Variants in ASL observed in about 807,000 individuals in gnomAD.
ASL encodes the protein argininosuccinase.
In ASL, 51 loss-of-function variants were observed where a neutral mutation model predicts 69.1. The observed-to-expected ratio is 0.74, with a 90% CI of 0.59 to 0.93. The LOEUF is 0.93. ASL is among the 40% of genes least tolerant of loss of function. ASL has a pLI of 0.00. For synonymous variants in ASL, 241 were observed against 247.6 expected, an observed-to-expected ratio of 0.97 and a Z score of 0.25; for missense variants, 540 against 623.9, an observed-to-expected ratio of 0.87 and a Z score of 1.43.
rs766185326 is a variant in ASL at position 66,082,915 on chromosome 7, G to A, written c.327G>A (p.Thr109=). 1.5e-5 allele frequency: 24 copies of A among 1,613,558 alleles called. No homozygotes were observed. Among genetic ancestry groups the A allele is most frequent in the Admixed American group, 3.3e-5 (2 of 59,966 alleles). Residue 109 remains threonine, a synonymous_variant, in exon 5 of 17, where the codon ACG becomes ACA. Transcript: ENST00000304874. The part of the protein sequence containing the change: ...LIGATAGKLH[T]GRSRNDQVVT... Reference sequence around the variant, plus strand: ...GTGCAACGGCAGGGAAGCTGCACACGGGACGGAGCCGGAATGACCAGGTGC... The same window carrying A: ...GTGCAACGGCAGGGAAGCTGCACACAGGACGGAGCCGGAATGACCAGGTGC...
intron 14 of ASL, among the ~76,000 whole-genome samples, chr7:66,090,297 A>G (rs1034998868): frequency 2.0e-5 from 3 of 152,164 alleles, no homozygotes; most frequent in Non-Finnish European, 4.4e-5. Context: ...TTTTAGAGAC[A>G]GGGTCACTCT....
At position 66,082,843 on chromosome 7, in the gene ASL, G is replaced by T. The variant is rs573525807; in HGVS notation, c.292-37G>T. 6.8e-6 allele frequency: 11 copies of T among 1,612,538 alleles called. No individual in the cohort carries two copies. In the Admixed American group the frequency reaches 1.0e-4, roughly 15 times the overall value. ...CCTGCCTGGGTTGACTCCTCTGGGG[G>T]TATAGACCGTGACCCTGGGTCTCCC... On this transcript the variant is annotated intron_variant, in intron 4 of 16. Coordinates refer to ENST00000304874, the MANE Select transcript of ASL (RefSeq NM_000048.4).
Position 66,081,924 on chromosome 7 carries a change from A to G in ASL, c.134A>G (p.Tyr45Cys). ...GTGGATGTTCAAGGCAGCAAAGCCTACAGCAGGGGCCTGGAGAAGGCAGGG... is the reference window on the plus strand; with the variant it reads ...GTGGATGTTCAAGGCAGCAAAGCCTGCAGCAGGGGCCTGGAGAAGGCAGGG... ...WEVDVQGSKA[Y>C]SRGLEKAGLL... The change falls in exon 3 of 17, where the codon TAC (tyrosine) becomes TGC (cysteine). Residue 45 changes from tyrosine to cysteine, a missense_variant. By Grantham distance (194) the Tyr-to-Cys change is radical. Coordinates refer to ENST00000304874, the MANE Select transcript of ASL (RefSeq NM_000048.4). 1 of 1,613,892 alleles carries G rather than the reference A, an allele frequency of 6.2e-7. No individual in the cohort carries two copies.
chr7:66,077,725 C>T (rs1786388010), intron 2 of ASL, among the ~76,000 whole-genome samples: 1 of 151,898 alleles, frequency 6.6e-6, no homozygotes, highest in Admixed American at 6.6e-5. Flanking sequence ...CAAGACTCCA[C>T]CTCAAAAAAA....
chr7:66,080,385 CAAAAAAA>C (rs138360695), intron 2 of ASL, among the ~76,000 whole-genome samples: 20 of 61,340 alleles, frequency 3.3e-4, no homozygotes, highest in African/African-American at 1.4e-3. Flanking sequence ...GACTCCATCT[CAAAAAAA>C]AAAAAAAAAA....
intron 15 of ASL, 64 bp downstream of exon 15, chr7:66,092,150 G>A: frequency 2.5e-6 from 4 of 1,570,774 alleles, no homozygotes; most frequent in Non-Finnish European, 3.5e-6. Flanking sequence ...GGGTGGGGGA[G>A]CTCAGGAATG....
At chr7:66,081,579 C>CAA (rs113517237) in intron 2 of ASL, among the ~76,000 whole-genome samples, 5 of 115,354 alleles carry the variant, frequency 4.3e-5, no homozygotes, top group East Asian at 2.4e-4. Context: ...GACTCTGTCT[C>CAA]AAAAAAAAAA....
intron 2 of ASL, 105 bp downstream of exon 2, chr7:66,076,198 C>A: frequency 6.9e-7 from 1 of 1,454,518 alleles, no homozygotes; most frequent in South Asian, 1.2e-5. Flanking sequence ...CTCCAGGAAG[C>A]AATTTTGAAA....
At chr7:66,085,772 C>A (rs1786644680) in intron 6 of ASL, among the ~76,000 whole-genome samples, 1 of 152,064 alleles carries the variant, frequency 6.6e-6, no homozygotes, top group South Asian at 2.1e-4. Flanking sequence ...CTACGCCCGG[C>A]TAATTTTTTG....
At chr7:66,087,614 C>A in intron 9 of ASL, 115 bp from the exon 10 acceptor site, 1 of 1,098,804 alleles carries the variant, frequency 9.1e-7, no homozygotes, top group Non-Finnish European at 1.4e-6. Context: ...CAAAAGATCC[C>A]TCCCCCCAGC....
At position 66,089,678 on chromosome 7, in the gene ASL, G is replaced by C. The variant is rs372774556; in HGVS notation, c.1045G>C (p.Val349Leu). The C allele has an allele frequency of 6.2e-7, 1 of 1,613,518 alleles. No homozygotes were observed. Among genetic ancestry groups the C allele is most frequent in the Non-Finnish European group, 8.5e-7 (1 of 1,179,754 alleles). The change falls in exon 14 of 17, where the codon GTC becomes CTC. Residue 349 changes from valine (V) to leucine (L), a missense_variant. Transcript: ENST00000304874. ...MSAVLQVATG[V>L]ISTLQIHQEN... ...TGCCGTGCTCCAGGTGGCCACTGGC[G>C]TCATCTCTACGCTGCAGGCAAGACA...
intron 6 of ASL, among the ~76,000 whole-genome samples, chr7:66,085,394 C>T (rs1457816578): frequency 1.3e-5 from 2 of 152,024 alleles, no homozygotes; most frequent in Admixed American, 1.3e-4. Flanking sequence ...ATCTCTTGGA[C>T]CTGGGAGGTG....
At chr7:66,083,946 T>C (rs1241902665) in intron 6 of ASL, among the ~76,000 whole-genome samples, 10 of 152,110 alleles carry the variant, frequency 6.6e-5, no homozygotes, top group Admixed American at 6.6e-4. Context: ...ATTTGTTCCT[T>C]GCAGACCTGG....
rs1331282299 is a variant in ASL, at chr7:66,088,788, T to C, written c.719-19T>C. 1 of 1,605,874 alleles carries C rather than the reference T, an allele frequency of 6.2e-7. No homozygotes were observed. Among genetic ancestry groups the C allele is most frequent in the African/African-American group, 1.3e-5 (1 of 74,946 alleles). ...GTGGGGATGGGAGAGGCCTGGTGAC[T>C]GGGAACCTTTTCTCCCAGCCGAGTT... On this transcript the variant is annotated intron_variant, in intron 10 of 16. Coordinates refer to ENST00000304874, the MANE Select transcript of ASL (RefSeq NM_000048.4).
chr7:66,092,635 C>T lies in ASL; in HGVS notation c.1222C>T (p.Leu408=), dbSNP rs2115764958. Residue 408 remains leucine (L), a synonymous_variant, in exon 16 of 17, where the codon CTG becomes TTG. Transcript: ENST00000304874. ...GACCAAGGGGGTCGCCCTCAACCAG[C>T]TGTCACTGCAGGAGCTGCAGACCAT... The part of the protein sequence containing the change: ...AETKGVALNQ[L]SLQELQTISP... 1 of 1,613,676 alleles carries T rather than the reference C, an allele frequency of 6.2e-7. No individual in the cohort carries two copies.
At position 66,092,607 on chromosome 7, in the gene ASL, C is replaced by A. The variant is rs149370610; in HGVS notation, c.1194C>A (p.Ala398=). ...CCTCCGGGAAAGCTGTGTTCATGGC[C>A]GAGACCAAGGGGGTCGCCCTCAACC... The part of the protein sequence containing the change: ...HEASGKAVFM[A]ETKGVALNQL... Residue 398 remains alanine (A), a synonymous_variant, in exon 16 of 17, where the codon GCC becomes GCA. Transcript: ENST00000304874. 12 of 1,612,872 alleles carry A rather than the reference C, an allele frequency of 7.4e-6. No homozygotes were observed. The African/African-American group carries it at 1.6e-4, about 22-fold the overall frequency.
chr7:66,086,965 C>T (rs932774941), intron 8 of ASL, 144 bp downstream of exon 8: 9 of 1,025,338 alleles, frequency 8.8e-6, no homozygotes, highest in Admixed American at 7.1e-5. Context: ...CCCCAGCTCT[C>T]GCTAAGGTGA....
intron 2 of ASL, among the ~76,000 whole-genome samples, chr7:66,078,351 CA>C (rs1374522892): frequency 1.3e-5 from 2 of 152,058 alleles, no homozygotes; most frequent in Non-Finnish European, 2.9e-5. Context: ...GCTGCCTCTG[CA>C]GGGCAGAGTC....
chr7:66,083,340 T>C, intron 6 of ASL, 166 bp downstream of exon 6: 4 of 675,128 alleles, frequency 5.9e-6, no homozygotes, highest in Non-Finnish European at 7.6e-6. Flanking sequence ...GGCCATTTCC[T>C]GCAGGCCCCA....
Sources: allele counts gnomAD v4.1 joint callset (sites outside exome capture counted in the v4.1 genomes callset), GRCh38; gene constraint gnomAD v4.1.1; transcripts MANE v1.5; gene names NCBI Gene and HGNC (gene_info 2026-07-23, HGNC 2026-07-21).